Variants in QTMAN observed in about 807,000 individuals in gnomAD.
QTMAN encodes tRNA-queuosine alpha-mannosyltransferase.
At chr2:144,183,992 G>C in the QTMAN span, among the ~76,000 whole-genome samples, 2 of 152,160 alleles carry the variant, frequency 1.3e-5, no homozygotes, top group Admixed American at 6.5e-5. Flanking sequence ...TGGCGTGATT[G>C]AGCGGCAATA....
the QTMAN span, among the ~76,000 whole-genome samples, chr2:144,276,388 G>A: frequency 1.3e-5 from 2 of 151,600 alleles, no homozygotes; most frequent in African/African-American, 4.9e-5. Context: ...TGTAGAGACA[G>A]GGTCTTGCTA....
chr2:144,098,992 T>C, the QTMAN span, among the ~76,000 whole-genome samples: 1 of 152,202 alleles, frequency 6.6e-6, no homozygotes, highest in African/African-American at 2.4e-5. Context: ...AGGAGTGATG[T>C]TGATGCTGTA....
chr2:143,941,710 T>C, the QTMAN span: 5 of 150,288 alleles, frequency 3.3e-5, no homozygotes, highest in African/African-American at 1.2e-4. Context: ...CCACACTACA[T>C]AGTCTCTTAT....
At chr2:144,103,107 A>C in the QTMAN span, among the ~76,000 whole-genome samples, 1 of 152,246 alleles carries the variant, frequency 6.6e-6, no homozygotes, top group Non-Finnish European at 1.5e-5. Flanking sequence ...GATGATGACA[A>C]TAATAACAAC....
chr2:143,956,236 C>A, the QTMAN span, among the ~76,000 whole-genome samples: 1 of 152,042 alleles, frequency 6.6e-6, no homozygotes, highest in Non-Finnish European at 1.5e-5. Flanking sequence ...GTTTGGCTGA[C>A]AAGATTCTAA....
At chr2:144,102,029 C>T in the QTMAN span, among the ~76,000 whole-genome samples, 13 of 152,170 alleles carry the variant, frequency 8.5e-5, no homozygotes, top group African/African-American at 2.9e-4. Flanking sequence ...TCACAAAACC[C>T]CTTGTGATCA....
the QTMAN span, among the ~76,000 whole-genome samples, chr2:144,263,385 G>T: frequency 6.6e-6 from 1 of 152,126 alleles, no homozygotes; most frequent in Non-Finnish European, 1.5e-5. Context: ...GTGTACCATA[G>T]TGCAAAGATG....
At chr2:143,983,934 A>C in the QTMAN span, among the ~76,000 whole-genome samples, 1 of 152,328 alleles carries the variant, frequency 6.6e-6, no homozygotes, top group African/African-American at 2.4e-5. Flanking sequence ...AAAAACATAC[A>C]TATGTCCATA....
chr2:144,124,139 TTCC>T, the QTMAN span, among the ~76,000 whole-genome samples: 71 of 152,226 alleles, frequency 4.7e-4, no homozygotes, highest in East Asian at 0.011. Flanking sequence ...CGTTCTAAAT[TTCC>T]TCCTCAACTA....
the QTMAN span, among the ~76,000 whole-genome samples, chr2:144,051,756 T>G: frequency 9.9e-4 from 151 of 152,070 alleles, no homozygotes; most frequent in Non-Finnish European, 1.6e-3. Context: ...GGCTGCAGAT[T>G]TGGGAGAGCA....
the QTMAN span, among the ~76,000 whole-genome samples, chr2:144,072,492 G>A: frequency 1.3e-5 from 2 of 152,202 alleles, no homozygotes; most frequent in African/African-American, 4.8e-5. Context: ...CTAAGACTCA[G>A]AGAGTTTTAG....
At chr2:144,103,118 T>C in the QTMAN span, among the ~76,000 whole-genome samples, 2 of 152,198 alleles carry the variant, frequency 1.3e-5, no homozygotes, top group African/African-American at 4.8e-5. Flanking sequence ...TAATAACAAC[T>C]AGCATTTACT....
the QTMAN span, among the ~76,000 whole-genome samples, chr2:144,042,803 AAT>A: frequency 6.6e-6 from 1 of 151,894 alleles, no homozygotes; most frequent in African/African-American, 2.4e-5. Context: ...ATAAATAAAC[AAT>A]GAAGAGTTCA....
chr2:144,231,428 ATT>A, the QTMAN span, among the ~76,000 whole-genome samples: 7 of 152,048 alleles, frequency 4.6e-5, no homozygotes, highest in African/African-American at 1.2e-4. Flanking sequence ...CTCTTAATAA[ATT>A]TTTCTCCATG....
the QTMAN span, among the ~76,000 whole-genome samples, chr2:144,203,458 C>T: frequency 6.6e-6 from 1 of 152,110 alleles, no homozygotes; most frequent in Non-Finnish European, 1.5e-5. Flanking sequence ...AACTAGGCCG[C>T]GGTGTGTGCT....
chr2:144,328,075 C>G, the QTMAN span, among the ~76,000 whole-genome samples: 1 of 152,052 alleles, frequency 6.6e-6, no homozygotes, highest in Non-Finnish European at 1.5e-5. Flanking sequence ...CCTCAGCCTC[C>G]GAGTAGCTGG....
chr2:144,100,857 T>C, the QTMAN span, among the ~76,000 whole-genome samples: 10 of 146,182 alleles, frequency 6.8e-5, no homozygotes, highest in Non-Finnish European at 7.4e-5. Flanking sequence ...TAGTCTTTCT[T>C]TCTTTTTTTT....
At chr2:144,241,650 TCTTTC>T in the QTMAN span, among the ~76,000 whole-genome samples, 1 of 152,316 alleles carries the variant, frequency 6.6e-6, no homozygotes, top group South Asian at 2.1e-4. Flanking sequence ...TTTTTATTCT[TCTTTC>T]CTTTCTTTTC....
At chr2:144,042,835 G>A in the QTMAN span, among the ~76,000 whole-genome samples, 3 of 151,850 alleles carry the variant, frequency 2.0e-5, no homozygotes, top group Non-Finnish European at 4.4e-5. Context: ...TTGTCCACAG[G>A]TACTAGGATT....
Sources: gnomAD v4.1 joint callset for allele counts (sites outside exome capture counted in the v4.1 genomes callset) on GRCh38, gnomAD v4.1.1 for gene constraint, MANE v1.5 for transcripts, NCBI Gene and HGNC (gene_info 2026-07-23, HGNC 2026-07-21) for gene names.